Variants in EGFR observed in about 807,000 individuals in gnomAD.
EGFR encodes the protein avian erythroblastic leukemia viral (v-erb-b) oncogene homolog.
In EGFR, 58 loss-of-function variants were observed where a neutral mutation model predicts 143.0. That is an observed-to-expected ratio of 0.41 (90% CI 0.33 to 0.50). EGFR has a LOEUF of 0.50. EGFR is among the 20% of genes least tolerant of loss of function. The pLI is 0.39. For synonymous variants in EGFR, 613 were observed against 594.4 expected (o/e 1.03, Z -0.45); for missense variants, 1,307 against 1,579.0 (o/e 0.83, Z 2.92).
chr7:55,072,026 T>G (rs1346041422), intron 1 of EGFR, among the ~76,000 whole-genome samples: 1 of 151,412 alleles, frequency 6.6e-6, no homozygotes, highest in African/African-American at 2.4e-5. Context: ...CCTGAAATAC[T>G]TTCGCACACA....
intron 1 of EGFR, among the ~76,000 whole-genome samples, chr7:55,088,089 C>A (rs1165562591): frequency 6.6e-6 from 1 of 151,974 alleles, no homozygotes; most frequent in Non-Finnish European, 1.5e-5. Context: ...ATTCTCACTT[C>A]TTTGGCATCT....
intron 1 of EGFR, among the ~76,000 whole-genome samples, chr7:55,102,600 G>A (rs908691992): frequency 6.6e-6 from 1 of 152,074 alleles, no homozygotes; most frequent in Non-Finnish European, 1.5e-5. Flanking sequence ...TTTACCAAAA[G>A]TAATGTTAAC....
In EGFR at chr7:55,047,847, T is replaced by C. The variant is rs567015295; in HGVS notation, c.88+28482T>C. Among the ~76,000 whole-genome samples the C allele has an allele frequency of 2.3e-4, 35 of 152,314 alleles. 1 individual carries two copies. The South Asian group carries it at 7.3e-3, about 32-fold the overall frequency. ...TCATGACACGGCTAGAGAAGAATCATGCAAATAAAAATTTCCAACATGTTC... is the reference window on the plus strand; with the variant it reads ...TCATGACACGGCTAGAGAAGAATCACGCAAATAAAAATTTCCAACATGTTC... On this transcript the variant is annotated intron_variant, in intron 1 of 27. Coordinates refer to ENST00000275493, the MANE Select transcript of EGFR (RefSeq NM_005228.5).
intron 1 of EGFR, among the ~76,000 whole-genome samples, chr7:55,086,131 A>G (rs1229875597): frequency 6.6e-6 from 1 of 152,178 alleles, no homozygotes; most frequent in African/African-American, 2.4e-5. Flanking sequence ...ACAGTGCCTC[A>G]CAATTTCTCT....
intron 1 of EGFR, among the ~76,000 whole-genome samples, chr7:55,096,721 C>G (rs1791493226): frequency 6.6e-6 from 1 of 152,302 alleles, no homozygotes; most frequent in African/African-American, 2.4e-5. Flanking sequence ...AACTCCCCAC[C>G]CATGGCTCCC....
At chr7:55,095,050 G>T (rs1342519773) in intron 1 of EGFR, among the ~76,000 whole-genome samples, 1 of 152,148 alleles carries the variant, frequency 6.6e-6, no homozygotes, top group Non-Finnish European at 1.5e-5. Flanking sequence ...GTGATTAAAA[G>T]ATTCATCTTT....
At chr7:55,181,567 C>A (rs2128959105) in intron 20 of EGFR, 89 bp downstream of exon 20, 1 of 1,518,214 alleles carries the variant, frequency 6.6e-7, no homozygotes, top group East Asian at 2.3e-5. Context: ...AAGAGTTTGC[C>A]ATGGGGATAT....
intron 4 of EGFR, 129 bp from the exon 5 acceptor site, chr7:55,151,164 CA>C (rs1785129732): frequency 1.1e-6 from 1 of 938,260 alleles, no homozygotes; most frequent in Non-Finnish European, 1.7e-6. Context: ...ACCAGCCAGC[CA>C]AACAATCAGA....
chr7:55,028,023 T>TATATATATATAC (rs1271361412), intron 1 of EGFR, among the ~76,000 whole-genome samples: 3 of 110,762 alleles, frequency 2.7e-5, no homozygotes, highest in Admixed American at 1.7e-4. Context: ...TATATATATA[T>TATATATATATAC]ATACACACAC....
At chr7:55,181,071 C>T (rs989426895) in intron 19 of EGFR, 9 of 611,312 alleles carry the variant, frequency 1.5e-5, no homozygotes, top group Non-Finnish European at 2.0e-5. Flanking sequence ...TGGGGAATCC[C>T]CAGATGCACC....
chr7:55,147,416 T>C (rs2128930200), intron 4 of EGFR, among the ~76,000 whole-genome samples: 1 of 152,282 alleles, frequency 6.6e-6, no homozygotes, highest in Admixed American at 6.5e-5. Flanking sequence ...GCTTGGACTT[T>C]CTGTTCTTTA....
rs73340794 is a variant in EGFR at position 55,058,910 on chromosome 7, C to A, written c.88+39545C>A. On this transcript the variant is annotated intron_variant, in intron 1 of 27. Coordinates refer to ENST00000275493, the MANE Select transcript of EGFR (RefSeq NM_005228.5). ...ACTTGGTAAATGTTCATTTAATGAT[C>A]TAAAAATATGTGTCTGGATGGCTCT... is the stretch of plus-strand genomic sequence containing the variant. Among the ~76,000 whole-genome samples, 656 of 152,248 alleles carry A rather than the reference C, an allele frequency of 4.3e-3. 7 individuals are homozygous for A. Among genetic ancestry groups the A allele is most frequent in the African/African-American group, 0.015 (638 of 41,546 alleles).
intron 27 of EGFR, among the ~76,000 whole-genome samples, chr7:55,204,842 A>G (rs2128974758): frequency 6.7e-6 from 1 of 148,984 alleles, no homozygotes; most frequent in Non-Finnish European, 1.5e-5. Context: ...CACACACCAC[A>G]CACACCCACA....
intron 1 of EGFR, among the ~76,000 whole-genome samples, chr7:55,068,311 T>C (rs1280958595): frequency 1.3e-5 from 2 of 152,244 alleles, no homozygotes; most frequent in Non-Finnish European, 2.9e-5. Flanking sequence ...GAAATTGTTT[T>C]CTGAAAATAG....
intron 1 of EGFR, among the ~76,000 whole-genome samples, chr7:55,059,165 G>A (rs1409186818): frequency 6.6e-6 from 1 of 152,240 alleles, no homozygotes; most frequent in Non-Finnish European, 1.5e-5. Context: ...GTGCAACTCA[G>A]ATTTCCAAGT....
At position 55,027,988 on chromosome 7, in the gene EGFR, AAAAATATATATATATATAT is replaced by A. The variant is rs1396774255; in HGVS notation, c.88+8625_88+8643del. Among the ~76,000 whole-genome samples, 360 of 87,844 alleles carry A rather than the reference AAAAATATATATATATATAT, an allele frequency of 4.1e-3. 2 individuals are homozygous for A. The highest frequency in any genetic ancestry group is 0.017 in the African/African-American group (338 of 19,530). 57.6% of individuals were successfully genotyped at this position (87,844 alleles called of 152,430 possible). The stretch of plus-strand genomic sequence containing the variant: ...CATGCCTTTATGTAAAAAAAAAAAA[AAAAATATATATATATATAT>A]ATATATATATATATATATACACACA... On this transcript the variant is annotated intron_variant, in intron 1 of 27. Transcript: ENST00000275493.
intron 1 of EGFR, among the ~76,000 whole-genome samples, chr7:55,111,161 G>C (rs1328919401): frequency 6.6e-6 from 1 of 152,152 alleles, no homozygotes; most frequent in African/African-American, 2.4e-5. Context: ...CGCGGTGTGT[G>C]CTCTCTCTGC....
intron 1 of EGFR, among the ~76,000 whole-genome samples, chr7:55,038,745 T>A (rs1484822329): frequency 7.3e-6 from 1 of 136,602 alleles, no homozygotes; most frequent in Non-Finnish European, 1.7e-5. Flanking sequence ...TGTGTGTGTA[T>A]GTGTGTGTGT....
intron 1 of EGFR, among the ~76,000 whole-genome samples, chr7:55,089,295 C>T (rs558368069): frequency 6.6e-4 from 101 of 152,244 alleles, no homozygotes; most frequent in Non-Finnish European, 1.3e-3. Context: ...GCTTTGCAGC[C>T]CGTACACTGG....
Sources: allele counts gnomAD v4.1 joint callset (sites outside exome capture counted in the v4.1 genomes callset), GRCh38; gene constraint gnomAD v4.1.1; transcripts MANE v1.5; gene names NCBI Gene and HGNC (gene_info 2026-07-23, HGNC 2026-07-21).